Variants in PEX5L observed in about 807,000 individuals in gnomAD.
The protein encoded by PEX5L is PEX5-related protein.
Under a neutral mutation model 84.0 loss-of-function variants are expected in PEX5L, and 30 were observed. The observed-to-expected ratio is 0.36, with a 90% confidence interval of 0.27 to 0.48. The LOEUF is 0.48. PEX5L is among the 20% of genes least tolerant of loss of function. PEX5L has a pLI of 0.99. For missense variants in PEX5L, 533 were observed against 754.6 expected (o/e 0.71, Z 3.44); for synonymous variants, 270 against 283.1 (o/e 0.95, Z 0.46).
chr3:179,931,112 AGATT>A lies in PEX5L; in HGVS notation c.94-32870_94-32867del, dbSNP rs1209123762. Reference sequence around the variant, plus strand: ...AATGATACATTTCTCCAACTTGTCTAGATTATTAAATGTTTTTCAAATAAAAAAT... The same window carrying A: ...AATGATACATTTCTCCAACTTGTCTAATTAAATGTTTTTCAAATAAAAAAT... On this transcript the variant is annotated intron_variant, in intron 2 of 14. Transcript: ENST00000467460. Among the ~76,000 whole-genome samples the A allele has an allele frequency of 7.2e-5, 11 of 152,354 alleles. No individual in the cohort carries two copies. The East Asian group carries it at 1.9e-3, about 27-fold the overall frequency.
chr3:179,829,772 CTTTTTTTTTT>C (rs55899128), intron 8 of PEX5L, among the ~76,000 whole-genome samples: 13 of 120,942 alleles, frequency 1.1e-4, no homozygotes, highest in Non-Finnish European at 2.2e-4. Context: ...CTTGCTATAT[CTTTTTTTTTT>C]TTTTTTTTTT....
intron 1 of PEX5L, among the ~76,000 whole-genome samples, chr3:179,995,054 ATG>A (rs1201629322): frequency 8.1e-5 from 12 of 148,644 alleles, no homozygotes; most frequent in African/African-American, 9.9e-5. Flanking sequence ...ATATATATAT[ATG>A]TAGTTATATA....
At chr3:179,905,564 G>A (rs1451691981) in intron 2 of PEX5L, among the ~76,000 whole-genome samples, 1 of 152,134 alleles carries the variant, frequency 6.6e-6, no homozygotes, top group East Asian at 1.9e-4. Flanking sequence ...CCGCCAATCT[G>A]TGTCCTTTTT....
Position 179,950,332 on chromosome 3 carries a change from C to T in PEX5L, c.93+21262G>A, listed in dbSNP as rs1236310651. Among the ~76,000 whole-genome samples the T allele has an allele frequency of 2.9e-5, 4 of 139,404 alleles. No homozygotes were observed. In the Admixed American group the frequency reaches 3.1e-4, roughly 11 times the overall value. The allele number at this position is 139,404 out of a possible 152,430, so 91.5% of individuals were successfully genotyped here. ...AATGAGAACACTTGGACATAGGAAG[C>T]GGAACATCACACACTGGGGACTGCT... On this transcript the variant is annotated intron_variant, in intron 2 of 14. Coordinates refer to ENST00000467460, the MANE Select transcript of PEX5L (RefSeq NM_016559.3).
At position 179,815,744 on chromosome 3, in the gene PEX5L, T is replaced by C. The variant is rs16830845; in HGVS notation, c.1083+117A>G. 919 of 1,121,780 alleles carry C rather than the reference T, an allele frequency of 8.2e-4. 6 individuals carry two copies. The African/African-American group carries it at 0.013, about 16-fold the overall frequency. 69.5% of individuals were successfully genotyped at this position (1,121,780 alleles called of 1,614,324 possible). ...TTTTAAACAAGTAGACTAAGCTAGG[T>C]TAACTCCTCTGGGAACCTTTACTTG... On this transcript the variant is annotated intron_variant, in intron 10 of 14. Coordinates refer to ENST00000467460, the MANE Select transcript of PEX5L (RefSeq NM_016559.3).
chr3:179,931,022 T>C (rs1484401160), intron 2 of PEX5L, among the ~76,000 whole-genome samples: 1 of 152,160 alleles, frequency 6.6e-6, no homozygotes, highest in Non-Finnish European at 1.5e-5. Context: ...ACCTAAGAAA[T>C]GTTTAAGAAA....
intron 1 of PEX5L, among the ~76,000 whole-genome samples, chr3:179,984,666 C>T (rs986930930): frequency 2.6e-5 from 4 of 152,050 alleles, no homozygotes; most frequent in African/African-American, 9.7e-5. Flanking sequence ...TTTCCTTTCT[C>T]TAATAATTAT....
chr3:179,865,815 GT>G (rs1239724955), intron 7 of PEX5L, among the ~76,000 whole-genome samples: 2 of 152,160 alleles, frequency 1.3e-5, no homozygotes, highest in East Asian at 1.9e-4. Context: ...TTTCTAACAA[GT>G]TCTCAGGTGA....
intron 2 of PEX5L, among the ~76,000 whole-genome samples, chr3:179,917,886 C>T (rs946676752): frequency 2.0e-5 from 3 of 152,008 alleles, no homozygotes; most frequent in Non-Finnish European, 2.9e-5. Flanking sequence ...CTTGAACTCC[C>T]GACCTCAGGT....
At chr3:179,864,315 A>G (rs1323225530) in intron 7 of PEX5L, among the ~76,000 whole-genome samples, 2 of 152,122 alleles carry the variant, frequency 1.3e-5, no homozygotes, top group Non-Finnish European at 2.9e-5. Flanking sequence ...GGGTAAGGAG[A>G]ATGTGATATA....
Position 179,798,319 on chromosome 3 carries a change from G to A in PEX5L, c.*3509C>T, listed in dbSNP as rs1477265247. ...ATTCTATTAAAATTTCCTGGTGGAC[G>A]AGATCTACCCATTTTTCAGGAGTCA... On this transcript the variant is annotated 3_prime_UTR_variant, in exon 15 of 15. Transcript: ENST00000467460. The A allele has an allele frequency of 6.6e-6, 1 of 152,082 alleles. No homozygotes were observed. Among genetic ancestry groups the A allele is most frequent in the Non-Finnish European group, 1.5e-5 (1 of 68,010 alleles). 9.4% of individuals were successfully genotyped at this position (152,082 alleles called of 1,614,324 possible).
intron 11 of PEX5L, among the ~76,000 whole-genome samples, chr3:179,810,164 C>G (rs1197712438): frequency 6.6e-6 from 1 of 151,680 alleles, no homozygotes; most frequent in Non-Finnish European, 1.5e-5. Flanking sequence ...AGATGCCCAC[C>G]ACACCCAGCT....
chr3:179,887,850 G>T, intron 3 of PEX5L, 66 bp from the exon 4 acceptor site: 1 of 1,040,270 alleles, frequency 9.6e-7, no homozygotes, highest in Non-Finnish European at 1.5e-6. Flanking sequence ...GAATTAAAAT[G>T]CAGCCTTGCA....
intron 2 of PEX5L, among the ~76,000 whole-genome samples, chr3:179,905,152 T>C (rs1036315168): frequency 4.6e-5 from 7 of 152,184 alleles, no homozygotes; most frequent in African/African-American, 1.7e-4. Flanking sequence ...CAGAAAGCAT[T>C]GGCAAGTAAT....
chr3:180,032,602 C>T (rs1791558233), intron 1 of PEX5L, among the ~76,000 whole-genome samples: 1 of 152,168 alleles, frequency 6.6e-6, no homozygotes. Flanking sequence ...GCCTGTAATC[C>T]TAGCACTGTG....
At chr3:179,864,664 G>A (rs1437132408) in intron 7 of PEX5L, among the ~76,000 whole-genome samples, 1 of 152,024 alleles carries the variant, frequency 6.6e-6, no homozygotes. Flanking sequence ...TTGAAACTCG[G>A]TAAGAAATTA....
chr3:179,854,451 G>T (rs1743139486), intron 8 of PEX5L, among the ~76,000 whole-genome samples: 1 of 152,092 alleles, frequency 6.6e-6, no homozygotes, highest in Non-Finnish European at 1.5e-5. Flanking sequence ...CAATGTTACT[G>T]GCAAGATTGG....
intron 2 of PEX5L, among the ~76,000 whole-genome samples, chr3:179,940,483 C>G (rs749628287): frequency 3.9e-5 from 6 of 152,186 alleles, no homozygotes; most frequent in Non-Finnish European, 8.8e-5. Context: ...ACGGGATCCC[C>G]TTAGTTGCCA....
chr3:179,952,829 T>C (rs1364266695), intron 2 of PEX5L, among the ~76,000 whole-genome samples: 1 of 152,176 alleles, frequency 6.6e-6, no homozygotes, highest in East Asian at 1.9e-4. Flanking sequence ...GCTGGAGGCA[T>C]CACGCTACCT....
Sources: allele counts gnomAD v4.1 joint callset (sites outside exome capture counted in the v4.1 genomes callset), GRCh38; gene constraint gnomAD v4.1.1; transcripts MANE v1.5; gene names NCBI Gene and HGNC (gene_info 2026-07-23, HGNC 2026-07-21).